The following PDE4B variants were observed in gnomAD, a reference collection of about 807,000 sequenced individuals.
PDE4B encodes the protein 3',5'-cyclic-AMP phosphodiesterase 4B.
In PDE4B, 20 loss-of-function variants were observed where a neutral mutation model predicts 82.2. The ratio of observed to expected loss-of-function variants is 0.24; its 90% CI spans 0.17 to 0.35. The LOEUF (loss-of-function observed/expected upper bound fraction) is 0.35. PDE4B is among the 10% of genes least tolerant of loss of function. The pLI is 1.00. For missense variants in PDE4B, 655 were observed against 907.2 expected, an observed-to-expected ratio of 0.72 and a Z score of 3.57; for synonymous variants, 320 against 318.9, an observed-to-expected ratio of 1.00 and a Z score of -0.04.
intron 3 of PDE4B, among the ~76,000 whole-genome samples, chr1:66,131,595 A>ATATATATATATG (rs1645946907): frequency 1.9e-5 from 1 of 53,988 alleles, no homozygotes; most frequent in Non-Finnish European, 3.2e-5. Context: ...AATGCCAGAT[A>ATATATATATATG]TATATATATA....
At chr1:66,189,109 A>G (rs1230621045) in intron 3 of PDE4B, among the ~76,000 whole-genome samples, 1 of 151,896 alleles carries the variant, frequency 6.6e-6, no homozygotes, top group Non-Finnish European at 1.5e-5. Flanking sequence ...GTTTGGCTGG[A>G]TATGAAATTC....
chr1:66,012,575 G>A (rs1408544628), intron 3 of PDE4B, among the ~76,000 whole-genome samples: 3 of 152,052 alleles, frequency 2.0e-5, no homozygotes, highest in Non-Finnish European at 4.4e-5. Context: ...GAAGCTCCTA[G>A]GGCAGAAGGA....
intron 1 of PDE4B, among the ~76,000 whole-genome samples, chr1:65,840,847 A>C (rs1172796829): frequency 6.6e-6 from 1 of 152,222 alleles, no homozygotes; most frequent in African/African-American, 2.4e-5. Context: ...GCATTGAATC[A>C]AATGTTTGTT....
intron 3 of PDE4B, among the ~76,000 whole-genome samples, chr1:66,182,508 T>G (rs1336323619): frequency 1.3e-5 from 2 of 151,952 alleles, no homozygotes; most frequent in African/African-American, 2.4e-5. Context: ...GAACAAAATA[T>G]TGCTAGGGAA....
At chr1:66,121,939 G>A (rs1645717467) in intron 3 of PDE4B, among the ~76,000 whole-genome samples, 1 of 151,736 alleles carries the variant, frequency 6.6e-6, no homozygotes, top group South Asian at 2.1e-4. Context: ...ACTTCTTTCT[G>A]TCTCATATCT....
At position 66,010,383 on chromosome 1, in the gene PDE4B, C is replaced by T. The variant is rs575143979; in HGVS notation, c.281+91548C>T. The stretch of plus-strand genomic sequence containing the variant: ...GAAAGAGGGGCATTTGGCAAGTATA[C>T]TAAACTTAATAGCAAGAAAACTTAA... On this transcript the variant is annotated intron_variant, in intron 3 of 16. Transcript: ENST00000341517. Among the ~76,000 whole-genome samples the T allele has an allele frequency of 1.1e-4, 17 of 151,716 alleles. 1 individual carries two copies. In the South Asian group the frequency reaches 3.5e-3, roughly 32 times the overall value.
At chr1:66,317,096 C>T (rs1659079680) in intron 7 of PDE4B, among the ~76,000 whole-genome samples, 1 of 152,152 alleles carries the variant, frequency 6.6e-6, no homozygotes, top group African/African-American at 2.4e-5. Flanking sequence ...ATTGGAAGTT[C>T]TGAATCTGTC....
chr1:66,177,368 A>G (rs957070127), intron 3 of PDE4B, among the ~76,000 whole-genome samples: 6 of 152,236 alleles, frequency 3.9e-5, no homozygotes, highest in East Asian at 1.9e-4. Context: ...TAAGGGCTCA[A>G]TGAATACTTG....
At chr1:65,818,991 A>G (rs1570970313) in intron 1 of PDE4B, among the ~76,000 whole-genome samples, 1 of 152,136 alleles carries the variant, frequency 6.6e-6, no homozygotes, top group African/African-American at 2.4e-5. Context: ...CTGCATGCCC[A>G]TTGTGAGTGT....
In PDE4B at chr1:65,978,321, C is replaced by T. The variant is rs943525246; in HGVS notation, c.281+59486C>T. Among the ~76,000 whole-genome samples, 3 of 152,192 alleles carry T rather than the reference C, an allele frequency of 2.0e-5. No individual in the cohort carries two copies. The South Asian group carries it at 6.2e-4, about 32-fold the overall frequency. On this transcript the variant is annotated intron_variant, in intron 3 of 16. Transcript: ENST00000341517. ...GGGATTACCAGTATGAGACACTGCT[C>T]CTGGGTGCACTACCATTTAATTTTA...
At chr1:66,213,533 A>G (rs913229328) in intron 3 of PDE4B, among the ~76,000 whole-genome samples, 1 of 152,214 alleles carries the variant, frequency 6.6e-6, no homozygotes, top group Non-Finnish European at 1.5e-5. Context: ...CGTAGGCTAC[A>G]TAGAGTCTCT....
At chr1:66,305,612 C>A (rs1021161194) in intron 7 of PDE4B, among the ~76,000 whole-genome samples, 3 of 152,178 alleles carry the variant, frequency 2.0e-5, no homozygotes, top group Non-Finnish European at 4.4e-5. Flanking sequence ...TATCCTCCAG[C>A]TCCTTTAAAG....
chr1:65,813,760 A>AT (rs1379927537), intron 1 of PDE4B, among the ~76,000 whole-genome samples: 4 of 152,190 alleles, frequency 2.6e-5, no homozygotes, highest in African/African-American at 9.6e-5. Context: ...ACTTCAGGGT[A>AT]TTTTTTTCTT....
intron 1 of PDE4B, among the ~76,000 whole-genome samples, chr1:65,875,821 G>A (rs943723760): frequency 1.7e-5 from 2 of 118,228 alleles, no homozygotes; most frequent in South Asian, 3.3e-4. Context: ...GGAGGGGGGA[G>A]GGATAGCATT....
chr1:66,260,874 A>G (rs1179256766), intron 6 of PDE4B, among the ~76,000 whole-genome samples: 1 of 152,170 alleles, frequency 6.6e-6, no homozygotes, highest in East Asian at 1.9e-4. Context: ...ACTACCCTTC[A>G]AATCACGGCC....
At chr1:65,896,007 A>G (rs910072864) in intron 1 of PDE4B, among the ~76,000 whole-genome samples, 3 of 150,864 alleles carry the variant, frequency 2.0e-5, no homozygotes, top group Non-Finnish European at 4.4e-5. Flanking sequence ...AGAAGTGAAT[A>G]GGAAGATTTT....
rs115698370 is a variant in PDE4B at position 66,220,258 on chromosome 1, A to G, written c.282-27202A>G. 9.7e-3 allele frequency among the ~76,000 whole-genome samples: 1,483 copies of G among 152,310 alleles called. 23 individuals are homozygous for G. The highest frequency in any genetic ancestry group is 0.034 in the African/African-American group (1,418 of 41,576). On this transcript the variant is annotated intron_variant, in intron 3 of 16. Coordinates refer to ENST00000341517, the MANE Select transcript of PDE4B (RefSeq NM_002600.4). Reference sequence around the variant, plus strand: ...AATGCTCTTTGATCCCCTCTACTTCAAAGCATTATGGATCTAGATTAATAT... The same window carrying G: ...AATGCTCTTTGATCCCCTCTACTTCGAAGCATTATGGATCTAGATTAATAT...
Position 66,257,848 on chromosome 1 carries a change from A to C in PDE4B, c.569A>C (p.His190Pro). The change falls in exon 6 of 17, where the codon CAT (histidine) becomes CCT (proline). Residue 190 changes from histidine to proline, a missense_variant. Physicochemically the swap from His to Pro is moderately conservative, Grantham distance 77. Coordinates refer to ENST00000341517, the MANE Select transcript of PDE4B (RefSeq NM_002600.4). ...RNNFTILTNL[H>P]GTSNKRSPAA... is the part of the protein sequence containing the mutation. ...AACTTCACTATACTGACAAACCTTCATGGTACATCTAACAAGTAAGGATTG... is the reference window on the plus strand; with the variant it reads ...AACTTCACTATACTGACAAACCTTCCTGGTACATCTAACAAGTAAGGATTG... 1 of 1,612,300 alleles carries C rather than the reference A, an allele frequency of 6.2e-7. No individual in the cohort carries two copies. The highest frequency in any genetic ancestry group is 1.1e-5 in the South Asian group (1 of 91,044).
chr1:66,006,260 A>G (rs949681356), intron 3 of PDE4B, among the ~76,000 whole-genome samples: 11 of 152,294 alleles, frequency 7.2e-5, no homozygotes, highest in Admixed American at 2.0e-4. Flanking sequence ...CCAGATTGAC[A>G]TCGCTTAGTG....
Sources: allele counts gnomAD v4.1 joint callset (sites outside exome capture counted in the v4.1 genomes callset), GRCh38; gene constraint gnomAD v4.1.1; transcripts MANE v1.5; gene names NCBI Gene and HGNC (gene_info 2026-07-23, HGNC 2026-07-21).